STPG2: variants seen among roughly 807,000 people sequenced by gnomAD.
STPG2 encodes sperm tail PG-rich repeat containing 2.
In STPG2, 56 loss-of-function variants were observed where a neutral mutation model predicts 54.2. The ratio of observed to expected loss-of-function variants is 1.03; its 90% CI spans 0.83 to 1.29. The LOEUF is 1.29. Among genes scored for constraint, STPG2 ranks in the 50% most tolerant of loss-of-function variants. STPG2 has a pLI of 0.00. For missense variants in STPG2, 596 were observed against 544.9 expected (o/e 1.09, Z -0.93); for synonymous variants, 200 against 181.8 (o/e 1.10, Z -0.81).
chr4:97,489,499 T>C (rs893493374), intron 4 of STPG2, among the ~76,000 whole-genome samples: 3 of 151,510 alleles, frequency 2.0e-5, no homozygotes, highest in African/African-American at 7.3e-5. Context: ...TATGCCAAGA[T>C]TGTACTGTGG....
At chr4:98,085,331 C>T (rs1318197612) in intron 5 of STPG2, among the ~76,000 whole-genome samples, 1 of 152,036 alleles carries the variant, frequency 6.6e-6, no homozygotes, top group Non-Finnish European at 1.5e-5. Flanking sequence ...ATCTTGATTA[C>T]CTGATTGATT....
intron 1 of STPG2, among the ~76,000 whole-genome samples, chr4:98,136,011 A>G (rs1031067931): frequency 6.6e-6 from 1 of 151,814 alleles, no homozygotes; most frequent in Non-Finnish European, 1.5e-5. Context: ...AGAAAAGTCA[A>G]TGAAAAGAAA....
At chr4:97,897,728 TC>T (rs1200384304) in intron 8 of STPG2, among the ~76,000 whole-genome samples, 1 of 152,144 alleles carries the variant, frequency 6.6e-6, no homozygotes, top group Non-Finnish European at 1.5e-5. Context: ...TGTGTTCACA[TC>T]CTTTGTCTAT....
At chr4:97,911,711 G>T (rs1301542333) in intron 8 of STPG2, among the ~76,000 whole-genome samples, 1 of 152,136 alleles carries the variant, frequency 6.6e-6, no homozygotes, top group African/African-American at 2.4e-5. Flanking sequence ...GCCCCTGGTG[G>T]GGAGAAGCGA....
chr4:98,033,547 C>T (rs1736671069), intron 5 of STPG2, among the ~76,000 whole-genome samples: 1 of 152,168 alleles, frequency 6.6e-6, no homozygotes, highest in African/African-American at 2.4e-5. Context: ...GGTACCATTC[C>T]TTCTAAAACT....
At chr4:97,789,004 CT>C (rs758227257) in intron 9 of STPG2, among the ~76,000 whole-genome samples, 6 of 151,316 alleles carry the variant, frequency 4.0e-5, no homozygotes, top group Admixed American at 6.6e-5. Flanking sequence ...GGGTTTCAAA[CT>C]TTTTTTTTCT....
At chr4:97,745,136 T>A (rs1578528309) in intron 9 of STPG2, among the ~76,000 whole-genome samples, 1 of 150,944 alleles carries the variant, frequency 6.6e-6, no homozygotes, top group African/African-American at 2.4e-5. Context: ...TAATATGGTA[T>A]AAATTACGAA....
At chr4:98,099,016 T>C (rs1738942717) in intron 5 of STPG2, among the ~76,000 whole-genome samples, 1 of 151,908 alleles carries the variant, frequency 6.6e-6, no homozygotes, top group African/African-American at 2.4e-5. Context: ...GGTGGGAATG[T>C]AAATTAGTGT....
At chr4:97,823,029 A>G (rs1250802937) in intron 9 of STPG2, among the ~76,000 whole-genome samples, 1 of 152,260 alleles carries the variant, frequency 6.6e-6, no homozygotes, top group Non-Finnish European at 1.5e-5. Flanking sequence ...GCAGAGGATG[A>G]TTCACAAAGA....
chr4:98,009,871 C>G (rs1041186563), intron 5 of STPG2, among the ~76,000 whole-genome samples: 6 of 151,990 alleles, frequency 3.9e-5, no homozygotes, highest in Non-Finnish European at 7.4e-5. Context: ...TCCATTTCTT[C>G]TAGGTTTTTC....
At chr4:97,959,919 C>G (rs1311026031) in intron 7 of STPG2, among the ~76,000 whole-genome samples, 1 of 152,016 alleles carries the variant, frequency 6.6e-6, no homozygotes, top group East Asian at 1.9e-4. Flanking sequence ...AATGGATATC[C>G]CTGATGAACA....
At chr4:97,784,053 AAC>A (rs1726744416) in intron 9 of STPG2, among the ~76,000 whole-genome samples, 2 of 151,338 alleles carry the variant, frequency 1.3e-5, no homozygotes, top group African/African-American at 4.9e-5. Context: ...TGTACCCTAG[AAC>A]TTAAAGTATA....
chr4:98,110,539 A>G (rs1163919326), intron 3 of STPG2, among the ~76,000 whole-genome samples: 4 of 152,156 alleles, frequency 2.6e-5, no homozygotes, highest in Non-Finnish European at 5.9e-5. Context: ...CCCCAAGGAA[A>G]GACTCAGGGG....
chr4:97,679,122 G>A (rs1234023486), intron 10 of STPG2, among the ~76,000 whole-genome samples: 1 of 152,080 alleles, frequency 6.6e-6, no homozygotes, highest in Non-Finnish European at 1.5e-5. Context: ...ATGATTTATA[G>A]TCCTTTGGGT....
chr4:97,898,819 C>T (rs1046933080), intron 8 of STPG2, among the ~76,000 whole-genome samples: 4 of 151,320 alleles, frequency 2.6e-5, no homozygotes, highest in Non-Finnish European at 4.4e-5. Flanking sequence ...GAGCAAAATT[C>T]GTATCTTTTA....
At chr4:97,523,193 C>T (rs1731215480) in intron 4 of STPG2, among the ~76,000 whole-genome samples, 1 of 151,800 alleles carries the variant, frequency 6.6e-6, no homozygotes, top group Non-Finnish European at 1.5e-5. Context: ...AAATTTAGTG[C>T]ACTACACTAT....
chr4:97,619,521 A>G (rs1168487696), intron 10 of STPG2, among the ~76,000 whole-genome samples: 1 of 115,060 alleles, frequency 8.7e-6, no homozygotes, highest in Admixed American at 9.7e-5. Flanking sequence ...ACATGATTCC[A>G]GTGTTTTTTT....
chr4:97,583,933 G>A lies in STPG2; in HGVS notation c.1321-24816C>T, dbSNP rs549922284. Reference sequence around the variant, plus strand: ...CACAGCAAGACAATAGTAGTGGGGGGCTTCAGCACTCCACTGACAGCACTA... The same window carrying A: ...CACAGCAAGACAATAGTAGTGGGGGACTTCAGCACTCCACTGACAGCACTA... On this transcript the variant is annotated intron_variant, in intron 10 of 10. Coordinates refer to ENST00000295268, the MANE Select transcript of STPG2 (RefSeq NM_174952.3). Among the ~76,000 whole-genome samples, 6 of 151,848 alleles carry A rather than the reference G, an allele frequency of 4.0e-5. No individual in the cohort carries two copies. In the Middle Eastern group the frequency reaches 0.014, roughly 344 times the overall value.
chr4:97,609,924 A>AATGTAT (rs1254272473), intron 10 of STPG2, among the ~76,000 whole-genome samples: 1 of 151,836 alleles, frequency 6.6e-6, no homozygotes, highest in Non-Finnish European at 1.5e-5. Flanking sequence ...ACTGAGCAAA[A>AATGTAT]ATGTATATGT....
Sources: allele counts gnomAD v4.1 joint callset (sites outside exome capture counted in the v4.1 genomes callset), GRCh38; gene constraint gnomAD v4.1.1; transcripts MANE v1.5; gene names NCBI Gene and HGNC (gene_info 2026-07-23, HGNC 2026-07-21).